The following FRMD3 variants were observed in gnomAD, a reference collection of about 807,000 sequenced individuals.
The protein encoded by FRMD3 is FERM domain-containing protein 3.
Under a neutral mutation model 70.2 loss-of-function variants are expected in FRMD3, and 33 were observed. The ratio of observed to expected loss-of-function variants is 0.47; its 90% CI spans 0.36 to 0.63. FRMD3 has a LOEUF of 0.63. Among genes scored for constraint, FRMD3 ranks in the 20% least tolerant of loss-of-function variants. FRMD3 has a pLI of 0.00. For missense variants in FRMD3, 632 were observed against 711.4 expected (o/e 0.89, Z 1.27); for synonymous variants, 279 against 255.9 (o/e 1.09, Z -0.86).
At chr9:83,498,303 C>T (rs1363460887) in intron 1 of FRMD3, among the ~76,000 whole-genome samples, 1 of 152,108 alleles carries the variant, frequency 6.6e-6, no homozygotes, top group African/African-American at 2.4e-5. Context: ...ATGACTTTGC[C>T]CAGATAATAT....
chr9:83,427,997 CAGAGGTGATGATG>C (rs1826861034), intron 1 of FRMD3, among the ~76,000 whole-genome samples: 1 of 152,154 alleles, frequency 6.6e-6, no homozygotes, highest in African/African-American at 2.4e-5. Context: ...CATTACCTAG[CAGAGGTGATGATG>C]TACATAGTAA....
intron 1 of FRMD3, among the ~76,000 whole-genome samples, chr9:83,486,733 A>G (rs772054280): frequency 8.5e-5 from 13 of 152,222 alleles, no homozygotes; most frequent in African/African-American, 1.4e-4. Context: ...CCACTGGCCC[A>G]TAACTTTATT....
intron 1 of FRMD3, among the ~76,000 whole-genome samples, chr9:83,497,819 G>T (rs7863524): frequency 0.65 from 99,164 of 152,074 alleles, 32,659 homozygotes; most frequent in African/African-American, 0.73. Context: ...TTGCATCAGA[G>T]GAGACTTTGG....
intron 2 of FRMD3, among the ~76,000 whole-genome samples, chr9:83,378,740 ATATTATATATAATATATAATTTATAT>A (rs1564047696): frequency 2.1e-4 from 26 of 123,560 alleles, no homozygotes; most frequent in African/African-American, 8.3e-4. Context: ...TATATACTTT[ATATTATATATAATATATAATTTATAT>A]TATATATAAT....
chr9:83,360,370 T>C (rs1258501171), intron 3 of FRMD3, among the ~76,000 whole-genome samples: 4 of 152,084 alleles, frequency 2.6e-5, no homozygotes. Context: ...TTATAAAGGC[T>C]CTCCCACCAA....
intron 2 of FRMD3, among the ~76,000 whole-genome samples, chr9:83,389,284 G>A (rs928533486): frequency 6.6e-6 from 1 of 152,086 alleles, no homozygotes; most frequent in African/African-American, 2.4e-5. Flanking sequence ...TTGAGCAGGG[G>A]TGATATTCTC....
At chr9:83,272,896 C>G (rs1833638727) in intron 13 of FRMD3, among the ~76,000 whole-genome samples, 1 of 149,958 alleles carries the variant, frequency 6.7e-6, no homozygotes, top group Non-Finnish European at 1.5e-5. Context: ...AGGAGCCCCT[C>G]CGCCCGGCAG....
chr9:83,307,055 T>C (rs1426120255), intron 10 of FRMD3, among the ~76,000 whole-genome samples: 2 of 152,212 alleles, frequency 1.3e-5, no homozygotes, highest in Non-Finnish European at 2.9e-5. Flanking sequence ...AGTACAGATA[T>C]ATAAAATTCT....
chr9:83,353,494 A>T (rs1243992309), intron 3 of FRMD3, among the ~76,000 whole-genome samples: 1 of 152,204 alleles, frequency 6.6e-6, no homozygotes, highest in Non-Finnish European at 1.5e-5. Flanking sequence ...TGTCTTGTTC[A>T]GCTTTTTATC....
chr9:83,474,766 C>T (rs76517428), intron 1 of FRMD3, among the ~76,000 whole-genome samples: 7,895 of 151,900 alleles, frequency 0.052, 291 homozygotes, highest in East Asian at 0.18. Context: ...AACACTCTCT[C>T]CCCACCACCA....
chr9:83,353,288 A>C (rs11140042), intron 3 of FRMD3, among the ~76,000 whole-genome samples: 1 of 123,572 alleles, frequency 8.1e-6, no homozygotes, highest in South Asian at 2.7e-4. Context: ...GGGGTGGGGG[A>C]GGGGGGGCAC....
At chr9:83,401,164 C>T (rs775171686) in intron 1 of FRMD3, among the ~76,000 whole-genome samples, 6 of 152,156 alleles carry the variant, frequency 3.9e-5, no homozygotes, top group South Asian at 2.1e-4. Context: ...GAGCTAATTG[C>T]GTTCCCATTT....
intron 3 of FRMD3, among the ~76,000 whole-genome samples, chr9:83,367,757 T>C (rs1027677037): frequency 2.6e-5 from 4 of 152,224 alleles, no homozygotes; most frequent in African/African-American, 9.6e-5. Context: ...ACTCAAGTTA[T>C]ATATTTTATT....
chr9:83,326,431 T>C (rs1836019283), intron 6 of FRMD3, among the ~76,000 whole-genome samples: 1 of 152,164 alleles, frequency 6.6e-6, no homozygotes, highest in Non-Finnish European at 1.5e-5. Context: ...AGATCTCCAC[T>C]GGCTAAGCAT....
At chr9:83,363,254 A>T (rs559049663) in intron 3 of FRMD3, among the ~76,000 whole-genome samples, 12 of 152,298 alleles carry the variant, frequency 7.9e-5, no homozygotes, top group African/African-American at 2.2e-4. Context: ...TAGTCACATG[A>T]AAAAATTCTA....
intron 6 of FRMD3, among the ~76,000 whole-genome samples, chr9:83,315,759 T>C (rs1188873846): frequency 6.6e-6 from 1 of 152,210 alleles, no homozygotes; most frequent in Non-Finnish European, 1.5e-5. Flanking sequence ...ATACAACATG[T>C]ATCAGTAACT....
At chr9:83,428,487 T>C (rs1399799584) in intron 1 of FRMD3, among the ~76,000 whole-genome samples, 1 of 151,382 alleles carries the variant, frequency 6.6e-6, no homozygotes, top group Admixed American at 6.6e-5. Context: ...TATATACATA[T>C]ATACATATCC....
chr9:83,571,583 G>C, the FRMD3 span, among the ~76,000 whole-genome samples: 1 of 152,240 alleles, frequency 6.6e-6, no homozygotes, highest in Non-Finnish European at 1.5e-5. Context: ...ATTTCAAGTA[G>C]ACGGTTGGGT....
intron 13 of FRMD3, among the ~76,000 whole-genome samples, chr9:83,258,917 C>G (rs369649587): frequency 6.2e-4 from 95 of 152,288 alleles, no homozygotes; most frequent in South Asian, 5.2e-3. Flanking sequence ...TTGGAGGCAC[C>G]CTGAGACAGC....
Sources: allele counts gnomAD v4.1 joint callset (sites outside exome capture counted in the v4.1 genomes callset), GRCh38; gene constraint gnomAD v4.1.1; transcripts MANE v1.5; gene names NCBI Gene and HGNC (gene_info 2026-07-23, HGNC 2026-07-21).